CCBE1: variants seen among roughly 807,000 people sequenced by gnomAD.
CCBE1 encodes collagen and calcium-binding EGF domain-containing protein 1.
Under a neutral mutation model 50.0 loss-of-function variants are expected in CCBE1, and 37 were observed. The ratio of observed to expected loss-of-function variants is 0.74; its 90% CI spans 0.57 to 0.97. The LOEUF (loss-of-function observed/expected upper bound fraction) is 0.97. Among genes scored for constraint, CCBE1 ranks in the 50% least tolerant of loss-of-function variants. The pLI is 0.00. For missense variants in CCBE1, 538 were observed against 523.8 expected (o/e 1.03, Z -0.26); for synonymous variants, 234 against 203.7 (o/e 1.15, Z -1.27).
At chr18:59,601,652 T>C (rs1024042173) in intron 2 of CCBE1, among the ~76,000 whole-genome samples, 10 of 152,172 alleles carry the variant, frequency 6.6e-5, no homozygotes, top group African/African-American at 2.4e-4. Context: ...CCCACCTTGA[T>C]CTCCCAAAGT....
intron 1 of CCBE1, among the ~76,000 whole-genome samples, chr18:59,696,982 C>A (rs1298710028): frequency 6.6e-6 from 1 of 152,180 alleles, no homozygotes; most frequent in Non-Finnish European, 1.5e-5. Flanking sequence ...GGCAGGAACG[C>A]GGGGCGAAGG....
At chr18:59,512,470 G>A (rs1247754915) in intron 2 of CCBE1, among the ~76,000 whole-genome samples, 2 of 152,256 alleles carry the variant, frequency 1.3e-5, no homozygotes, top group African/African-American at 2.4e-5. Flanking sequence ...GGGGGTACAA[G>A]GGAACCTTTC....
chr18:59,695,144 C>T (rs2054788564), intron 2 of CCBE1, among the ~76,000 whole-genome samples: 1 of 152,172 alleles, frequency 6.6e-6, no homozygotes, highest in African/African-American at 2.4e-5. Flanking sequence ...TGAAGTCCGA[C>T]CTTCAGGGAC....
intron 2 of CCBE1, among the ~76,000 whole-genome samples, chr18:59,575,371 C>T (rs577494104): frequency 1.3e-5 from 2 of 152,248 alleles, no homozygotes; most frequent in South Asian, 4.1e-4. Flanking sequence ...AAGAGCAGAA[C>T]AAGGTCAAGG....
At chr18:59,470,502 G>T (rs1339409113) in intron 3 of CCBE1, among the ~76,000 whole-genome samples, 1 of 152,190 alleles carries the variant, frequency 6.6e-6, no homozygotes, top group African/African-American at 2.4e-5. Flanking sequence ...GTATAAGTGT[G>T]CATCCTGGGG....
intron 2 of CCBE1, among the ~76,000 whole-genome samples, chr18:59,503,078 G>T (rs1259868618): frequency 6.6e-6 from 1 of 152,210 alleles, no homozygotes; most frequent in Non-Finnish European, 1.5e-5. Context: ...GGGTGGGCCT[G>T]TGCCTGTTCC....
At chr18:59,633,178 GA>G (rs1361035129) in intron 2 of CCBE1, among the ~76,000 whole-genome samples, 2 of 152,196 alleles carry the variant, frequency 1.3e-5, no homozygotes, top group African/African-American at 4.8e-5. Context: ...AAGCAAGTTT[GA>G]AGCAGTGAAG....
chr18:59,468,957 C>G (rs757990795), intron 4 of CCBE1, among the ~76,000 whole-genome samples: 15 of 151,970 alleles, frequency 9.9e-5, no homozygotes, highest in Non-Finnish European at 1.6e-4. Flanking sequence ...CTTAGAACCT[C>G]AAGGAGTGCA....
chr18:59,543,931 A>C, intron 2 of CCBE1, among the ~76,000 whole-genome samples: 1 of 151,990 alleles, frequency 6.6e-6, no homozygotes, highest in East Asian at 1.9e-4. Context: ...GTTTGTGTTT[A>C]AACGAGCATC....
chr18:59,435,737 G>A lies in CCBE1; in HGVS notation c.*171C>T. On this transcript the variant is annotated 3_prime_UTR_variant, in exon 11 of 11. Transcript: ENST00000439986. ...CCTCATGTCTGCAGGCCTAGGAGGG[G>A]ACTCTGAAAATAGCATCGTATTTGG... 2 of 716,220 alleles carry A rather than the reference G, an allele frequency of 2.8e-6. No individual in the cohort carries two copies. Among genetic ancestry groups the A allele is most frequent in the Admixed American group, 2.0e-5 (1 of 48,838 alleles). The allele number at this position is 716,220 out of a possible 1,614,324, so 44.4% of individuals were successfully genotyped here. A position where few individuals can be genotyped will look rare whatever the true frequency, so the allele number is the denominator to read the frequency against.
At chr18:59,625,430 CAAAAAAAAA>C (rs750324482) in intron 2 of CCBE1, among the ~76,000 whole-genome samples, 3 of 69,920 alleles carry the variant, frequency 4.3e-5, no homozygotes, top group East Asian at 7.8e-4. Context: ...GATTCTGTCT[CAAAAAAAAA>C]AAAAAAAAAA....
intron 10 of CCBE1, among the ~76,000 whole-genome samples, chr18:59,437,838 A>G (rs1027946354): frequency 6.6e-6 from 1 of 152,252 alleles, no homozygotes; most frequent in Non-Finnish European, 1.5e-5. Context: ...GACTCATGGC[A>G]TAGCAGGGTT....
At chr18:59,596,167 G>T (rs566096467) in intron 2 of CCBE1, among the ~76,000 whole-genome samples, 1 of 152,202 alleles carries the variant, frequency 6.6e-6, no homozygotes, top group African/African-American at 2.4e-5. Flanking sequence ...CCCTATAAAG[G>T]AAGCAGAGTC....
intron 2 of CCBE1, among the ~76,000 whole-genome samples, chr18:59,619,981 C>T (rs767590269): frequency 7.9e-5 from 12 of 152,132 alleles, no homozygotes; most frequent in Middle Eastern, 3.2e-3. Context: ...CAAGAGAGGG[C>T]GGTATTCCCA....
intron 2 of CCBE1, among the ~76,000 whole-genome samples, chr18:59,497,555 G>A (rs1405145854): frequency 2.6e-5 from 4 of 152,170 alleles, no homozygotes; most frequent in Non-Finnish European, 5.9e-5. Flanking sequence ...GGCCACTTAG[G>A]GCAGAGAGAA....
intron 2 of CCBE1, among the ~76,000 whole-genome samples, chr18:59,682,639 G>A (rs2054605794): frequency 6.6e-6 from 1 of 152,194 alleles, no homozygotes; most frequent in Admixed American, 6.5e-5. Context: ...TTAACCAGGA[G>A]TAAGTATTCC....
intron 2 of CCBE1, among the ~76,000 whole-genome samples, chr18:59,629,425 A>G (rs1436931817): frequency 6.6e-6 from 1 of 152,148 alleles, no homozygotes; most frequent in African/African-American, 2.4e-5. Flanking sequence ...TTCCTAATAC[A>G]TAGTATTGTT....
At chr18:59,558,267 G>A (rs935207367) in intron 2 of CCBE1, among the ~76,000 whole-genome samples, 2 of 152,180 alleles carry the variant, frequency 1.3e-5, no homozygotes, top group Admixed American at 6.5e-5. Context: ...AGTTAGTTGA[G>A]GTTGTTGAAA....
chr18:59,667,719 C>G (rs559980255), intron 2 of CCBE1, among the ~76,000 whole-genome samples: 1 of 152,148 alleles, frequency 6.6e-6, no homozygotes, highest in Non-Finnish European at 1.5e-5. Flanking sequence ...CCAGATGGCA[C>G]TCAGTTCATT....
Sources: allele counts gnomAD v4.1 joint callset (sites outside exome capture counted in the v4.1 genomes callset), GRCh38; gene constraint gnomAD v4.1.1; transcripts MANE v1.5; gene names NCBI Gene and HGNC (gene_info 2026-07-23, HGNC 2026-07-21).